ZFAT: variants seen among roughly 807,000 people sequenced by gnomAD.
ZFAT encodes the protein zinc finger and AT-hook domain containing, also known as zinc finger protein ZFAT.
A neutral mutation model predicts 117.7 loss-of-function variants in ZFAT; 64 were observed. The ratio of observed to expected loss-of-function variants is 0.54; its 90% confidence interval spans 0.44 to 0.67. The LOEUF (loss-of-function observed/expected upper bound fraction) is 0.67, where lower values mean the gene tolerates loss of function less well. Ranked by LOEUF, ZFAT falls within the 30% of genes least tolerant of loss-of-function variation. ZFAT has a pLI of 0.00. For synonymous variants in ZFAT, 679 were observed against 615.0 expected (o/e 1.10, Z -1.54); for missense variants, 1,433 against 1,584.5 (o/e 0.90, Z 1.62).
At chr8:134,796,811 A>G in the ZFAT span, 1 of 152,232 alleles carries the variant, frequency 6.6e-6, no homozygotes, top group Admixed American at 6.5e-5. Flanking sequence ...ATATATATGT[A>G]TGCAAGCATG....
At chr8:134,826,356 A>C in the ZFAT span, among the ~76,000 whole-genome samples, 14 of 152,224 alleles carry the variant, frequency 9.2e-5, no homozygotes, top group Non-Finnish European at 1.6e-4. Context: ...GAACAAAACA[A>C]CTTTTTTCTT....
At chr8:134,770,493 A>G in the ZFAT span, among the ~76,000 whole-genome samples, 8 of 152,150 alleles carry the variant, frequency 5.3e-5, no homozygotes, top group Non-Finnish European at 5.9e-5. Flanking sequence ...CTTTACTTTA[A>G]TCTCTTAATC....
chr8:134,716,143 T>TTTTA (rs1554626940), upstream of ZFAT, among the ~76,000 whole-genome samples: 1,254 of 142,166 alleles, frequency 8.8e-3, 9 homozygotes, highest in South Asian at 0.035. Context: ...TAAAATTTAT[T>TTTTA]TATATATATA....
the ZFAT span, among the ~76,000 whole-genome samples, chr8:134,737,477 G>T: frequency 6.6e-6 from 1 of 151,904 alleles, no homozygotes; most frequent in Admixed American, 6.5e-5. Flanking sequence ...CCAGGGCTCT[G>T]TGTGTTCAGT....
At chr8:134,677,882 C>T (rs1044259762) in intron 1 of ZFAT, among the ~76,000 whole-genome samples, 3 of 152,110 alleles carry the variant, frequency 2.0e-5, no homozygotes, top group African/African-American at 4.8e-5. Context: ...AAAAGGCCTT[C>T]GACAAAATTC....
the ZFAT span, among the ~76,000 whole-genome samples, chr8:134,743,087 C>T: frequency 2.0e-5 from 3 of 152,232 alleles, no homozygotes; most frequent in Non-Finnish European, 2.9e-5. Context: ...GTGGCCGATC[C>T]ATGACTGAAA....
intron 1 of ZFAT, among the ~76,000 whole-genome samples, chr8:134,672,636 T>G (rs769949179): frequency 1.3e-5 from 2 of 151,944 alleles, no homozygotes; most frequent in African/African-American, 2.4e-5. Context: ...AATGTAAAAG[T>G]AATGAAAAAA....
chr8:134,608,903 G>A lies in ZFAT; in HGVS notation c.635-24C>T, dbSNP rs760518028. On this transcript the variant is annotated intron_variant, in intron 4 of 15. Transcript: ENST00000377838. ...ACCTGAGATTGATGCAAAAGGCATT[G>A]CTTATTGAGAGGCATCGAAAGTGGG... 5 of 1,592,226 alleles carry A rather than the reference G, an allele frequency of 3.1e-6. No individual in the cohort carries two copies. In the Admixed American group the frequency reaches 7.4e-5, roughly 24 times the overall value.
At chr8:134,752,235 C>A in the ZFAT span, among the ~76,000 whole-genome samples, 9 of 152,302 alleles carry the variant, frequency 5.9e-5, no homozygotes, top group African/African-American at 1.9e-4. Context: ...ACATCTTAAT[C>A]TATGTTACTC....
At chr8:134,479,841 G>T (rs370823960) in intron 15 of ZFAT, among the ~76,000 whole-genome samples, 2 of 152,260 alleles carry the variant, frequency 1.3e-5, no homozygotes, top group East Asian at 3.9e-4. Context: ...GTAAAACAGG[G>T]ACTAAAATGT....
At chr8:134,756,960 A>C in the ZFAT span, among the ~76,000 whole-genome samples, 1 of 151,112 alleles carries the variant, frequency 6.6e-6, no homozygotes, top group African/African-American at 2.4e-5. Flanking sequence ...CCTCAATTAC[A>C]ACCAAATCAC....
chr8:134,545,676 C>A (rs1207709539), intron 11 of ZFAT, among the ~76,000 whole-genome samples: 1 of 152,154 alleles, frequency 6.6e-6, no homozygotes, highest in African/African-American at 2.4e-5. Flanking sequence ...CTGGCAAAAA[C>A]CACAATTACT....
At chr8:134,788,168 G>A in the ZFAT span, among the ~76,000 whole-genome samples, 2 of 152,146 alleles carry the variant, frequency 1.3e-5, no homozygotes, top group African/African-American at 2.4e-5. Flanking sequence ...CTGACTTTTT[G>A]TCTTTTATTA....
At chr8:134,525,774 G>A (rs754469318) in intron 12 of ZFAT, among the ~76,000 whole-genome samples, 7 of 152,172 alleles carry the variant, frequency 4.6e-5, no homozygotes, top group Admixed American at 1.3e-4. Context: ...GGCAGAAGGC[G>A]CCCGCTGTCA....
intron 10 of ZFAT, among the ~76,000 whole-genome samples, chr8:134,578,607 C>A (rs1406736977): frequency 6.6e-6 from 1 of 151,986 alleles, no homozygotes; most frequent in African/African-American, 2.4e-5. Context: ...TTTGTTTCCA[C>A]AGGATCACTG....
At chr8:134,699,620 T>C (rs1833958346) in intron 1 of ZFAT, among the ~76,000 whole-genome samples, 1 of 152,206 alleles carries the variant, frequency 6.6e-6, no homozygotes, top group Non-Finnish European at 1.5e-5. Flanking sequence ...TGGTTTGGGA[T>C]TGGACAGCCC....
At chr8:134,831,218 C>T in the ZFAT span, among the ~76,000 whole-genome samples, 4 of 152,164 alleles carry the variant, frequency 2.6e-5, no homozygotes, top group Admixed American at 2.0e-4. Context: ...CACCTTGCTT[C>T]GGGGCTTTAG....
chr8:134,533,815 G>A (rs1211594346), intron 11 of ZFAT, among the ~76,000 whole-genome samples: 1 of 152,216 alleles, frequency 6.6e-6, no homozygotes, highest in Admixed American at 6.5e-5. Flanking sequence ...CTGGGCCCCT[G>A]GGGAAGCTCA....
chr8:134,584,054 G>T (rs1044805243), intron 9 of ZFAT, 49 bp from the exon 10 acceptor site: 24 of 1,498,420 alleles, frequency 1.6e-5, no homozygotes, highest in Non-Finnish European at 2.0e-5. Context: ...ATACGTTTAT[G>T]CATATGTGTG....
Sources: gnomAD v4.1 joint callset for allele counts (sites outside exome capture counted in the v4.1 genomes callset) on GRCh38, gnomAD v4.1.1 for gene constraint, MANE v1.5 for transcripts, NCBI Gene and HGNC (gene_info 2026-07-23, HGNC 2026-07-21) for gene names.